SMS: variants seen among roughly 807,000 people sequenced by gnomAD.
SMS encodes spermidine aminopropyltransferase.
Under a neutral mutation model 33.0 loss-of-function variants are expected in SMS, and 3 were observed. That is an observed-to-expected ratio of 0.09 (90% confidence interval 0.04 to 0.23). SMS has a LOEUF of 0.23. Ranked by LOEUF, SMS falls within the 10% of genes least tolerant of loss-of-function variation. The pLI is 1.00. For missense variants in SMS, 117 were observed against 288.6 expected (o/e 0.41, Z 4.31); for synonymous variants, 103 against 112.2 (o/e 0.92, Z 0.52).
At chrX:21,988,798 G>A (rs1925564095) in intron 9 of SMS, among the ~76,000 whole-genome samples, 1 of 110,923 alleles carries the variant, frequency 9.0e-6, no homozygotes, top group Non-Finnish European at 1.9e-5. Flanking sequence ...TTTTACTGTG[G>A]CTGCCTGAAG....
chrX:21,946,022 T>G (rs1043580092), intron 1 of SMS, among the ~76,000 whole-genome samples: 1 of 112,552 alleles, frequency 8.9e-6, no homozygotes, highest in Non-Finnish European at 1.9e-5. Context: ...AACAAATTGT[T>G]AGGCAAGGAG....
At chrX:21,947,223 C>T (rs1295770904) in intron 1 of SMS, among the ~76,000 whole-genome samples, 1 of 111,814 alleles carries the variant, frequency 8.9e-6, no homozygotes, top group Non-Finnish European at 1.9e-5. Flanking sequence ...TATCCTGTCC[C>T]ACTACACTTT....
At chrX:21,948,160 T>C (rs984506117) in intron 1 of SMS, among the ~76,000 whole-genome samples, 1 of 111,796 alleles carries the variant, frequency 8.9e-6, no homozygotes, top group Non-Finnish European at 1.9e-5. Context: ...TTTTAGATTG[T>C]AGTTTCCAAG....
intron 5 of SMS, 117 bp from the exon 6 acceptor site, chrX:21,977,843 A>G: frequency 5.1e-6 from 4 of 777,592 alleles, no homozygotes; most frequent in Non-Finnish European, 7.9e-6. Context: ...ACAGTTTTAA[A>G]AAATTGAAAA....
chrX:21,990,013 A>G (rs1000211368), intron 9 of SMS, among the ~76,000 whole-genome samples: 4 of 111,996 alleles, frequency 3.6e-5, no homozygotes, highest in African/African-American at 1.3e-4. Flanking sequence ...AAGTGTTAGC[A>G]TTATAGATGT....
chrX:21,966,128 G>A (rs1247864219), intron 1 of SMS, among the ~76,000 whole-genome samples: 2 of 111,875 alleles, frequency 1.8e-5, no homozygotes, highest in Non-Finnish European at 3.8e-5. Flanking sequence ...TTCTAGTTTC[G>A]GCACTACTTA....
intron 7 of SMS, among the ~76,000 whole-genome samples, chrX:21,982,347 A>G (rs1257310527): frequency 9.1e-6 from 1 of 109,316 alleles, no homozygotes; most frequent in Non-Finnish European, 1.9e-5. Context: ...AAAAAAAAAA[A>G]AAAAAAAAAG....
chrX:21,972,079 C>G (rs193003285), intron 3 of SMS, 89 bp downstream of exon 3: 1 of 632,966 alleles, frequency 1.6e-6, no homozygotes, highest in East Asian at 3.3e-5. Flanking sequence ...TCATTGCTTA[C>G]TTTCCAGTTA....
chrX:21,973,980 A>G (rs756258471), intron 4 of SMS, among the ~76,000 whole-genome samples: 1 of 112,842 alleles, frequency 8.9e-6, no homozygotes, highest in Non-Finnish European at 1.9e-5. Flanking sequence ...ATGCAGGACA[A>G]TTTACTCTTG....
At chrX:21,988,774 C>T (rs774245500) in intron 9 of SMS, among the ~76,000 whole-genome samples, 22 of 109,722 alleles carry the variant, frequency 2.0e-4, no homozygotes, top group Admixed American at 1.9e-3. Context: ...GCTGTGAGTT[C>T]GTGATGTCAT....
intron 1 of SMS, among the ~76,000 whole-genome samples, chrX:21,949,627 C>T (rs762283222): frequency 8.9e-6 from 1 of 111,866 alleles, no homozygotes; most frequent in South Asian, 3.7e-4. Context: ...GAAAATTTCT[C>T]CAGTGAGAAT....
At chrX:21,964,457 A>AC (rs1923563277) in intron 1 of SMS, among the ~76,000 whole-genome samples, 1 of 110,737 alleles carries the variant, frequency 9.0e-6, no homozygotes, top group Non-Finnish European at 1.9e-5. Context: ...GGCTAGCCAG[A>AC]CCCCTGCATT....
intron 6 of SMS, 137 bp downstream of exon 6, chrX:21,978,251 G>T (rs1156849202): frequency 3.4e-6 from 2 of 587,404 alleles, no homozygotes; most frequent in Non-Finnish European, 5.8e-6. Flanking sequence ...AGACAATTTA[G>T]TAACAGTACC....
intron 1 of SMS, among the ~76,000 whole-genome samples, chrX:21,941,704 G>C (rs1424551546): frequency 1.9e-5 from 2 of 107,379 alleles, no homozygotes; most frequent in East Asian, 5.9e-4. Flanking sequence ...AGCCAACATG[G>C]TGAAACCCCG....
At chrX:21,978,251 G>A (rs1156849202) in intron 6 of SMS, 137 bp downstream of exon 6, 1 of 589,183 alleles carries the variant, frequency 1.7e-6, no homozygotes, top group Non-Finnish European at 2.9e-6. Context: ...AGACAATTTA[G>A]TAACAGTACC....
At position 21,981,725 on chromosome X, in the gene SMS, A is replaced by G. The variant is rs765417104; in HGVS notation, c.751-2579A>G. On this transcript the variant is annotated intron_variant, in intron 7 of 10. Coordinates refer to ENST00000404933, the MANE Select transcript of SMS (RefSeq NM_004595.5). ...CTGCATGAGAACCAAGTTAGCTAAC[A>G]ATAGAAATAGGAATTTTGGTGACTT... Among the ~76,000 whole-genome samples, 14 of 112,213 alleles carry G rather than the reference A, an allele frequency of 1.2e-4. No individual in the cohort carries two copies. The South Asian group carries it at 4.1e-3, about 32-fold the overall frequency.
In SMS at chrX:21,994,691, G is replaced by C; in HGVS notation, c.*340G>C. 2 of 809,917 alleles carry C rather than the reference G, an allele frequency of 2.5e-6. No individual in the cohort carries two copies. The highest frequency in any genetic ancestry group is 5.9e-5 in the South Asian group (1 of 16,854). The allele number at this position is 809,917 out of a possible 1,213,427, so 66.7% of individuals were successfully genotyped here. ...TGGTAGATCTTCAATTTGGATATTTGGAGGAGTGAACATCGTTGTTTTGCT... is the reference window on the plus strand; with the variant it reads ...TGGTAGATCTTCAATTTGGATATTTCGAGGAGTGAACATCGTTGTTTTGCT... On this transcript the variant is annotated 3_prime_UTR_variant, in exon 11 of 11. Coordinates refer to ENST00000404933, the MANE Select transcript of SMS (RefSeq NM_004595.5).
chrX:21,982,767 T>A (rs1039299766), intron 7 of SMS, among the ~76,000 whole-genome samples: 2 of 112,607 alleles, frequency 1.8e-5, no homozygotes, highest in Non-Finnish European at 3.8e-5. Flanking sequence ...AACATACATT[T>A]GTGTTTGTGT....
intron 1 of SMS, among the ~76,000 whole-genome samples, chrX:21,945,683 G>A (rs904850972): frequency 1.0e-4 from 9 of 86,728 alleles, no homozygotes; most frequent in Admixed American, 6.8e-4. Context: ...GAGCTGGAGT[G>A]CAATGGCACG....
Sources: gnomAD v4.1 joint callset for allele counts (sites outside exome capture counted in the v4.1 genomes callset) on GRCh38, gnomAD v4.1.1 for gene constraint, MANE v1.5 for transcripts, NCBI Gene and HGNC (gene_info 2026-07-23, HGNC 2026-07-21) for gene names.